LYPLAL1: variants seen among roughly 807,000 people sequenced by gnomAD.
LYPLAL1 encodes lysophospholipase like 1, also known as lysophospholipase-like protein 1.
LYPLAL1 carries 23 observed loss-of-function variants against 19.7 expected under a neutral mutation model. The observed-to-expected ratio is 1.17, with a 90% confidence interval of 0.84 to 1.65. The LOEUF (loss-of-function observed/expected upper bound fraction) is 1.65, where lower values mean the gene tolerates loss of function less well. Ranked by LOEUF, LYPLAL1 falls within the 40% of genes most tolerant of loss-of-function variation. LYPLAL1 has a pLI of 0.00. For missense variants in LYPLAL1, 355 were observed against 279.4 expected (o/e 1.27, Z -1.93); for synonymous variants, 119 against 96.3 (o/e 1.24, Z -1.38).
the LYPLAL1 span, among the ~76,000 whole-genome samples, chr1:219,306,948 C>A: frequency 6.7e-6 from 1 of 150,110 alleles, no homozygotes; most frequent in Non-Finnish European, 1.5e-5. Flanking sequence ...AGGCCAAACT[C>A]AATGAATACA....
the LYPLAL1 span, among the ~76,000 whole-genome samples, chr1:219,398,132 T>C: frequency 3.3e-5 from 5 of 152,220 alleles, no homozygotes; most frequent in African/African-American, 1.2e-4. Flanking sequence ...ATGGATGATA[T>C]CCTGAAATAT....
At chr1:219,299,498 C>T in the LYPLAL1 span, among the ~76,000 whole-genome samples, 1 of 151,908 alleles carries the variant, frequency 6.6e-6, no homozygotes, top group Non-Finnish European at 1.5e-5. Context: ...TGGTGTTTAC[C>T]GAGAGCCTAA....
the LYPLAL1 span, among the ~76,000 whole-genome samples, chr1:219,355,983 A>G: frequency 6.6e-6 from 1 of 152,276 alleles, no homozygotes; most frequent in Admixed American, 6.5e-5. Context: ...TTTCATCTCA[A>G]GCCTTCTTTA....
the LYPLAL1 span, among the ~76,000 whole-genome samples, chr1:219,280,734 A>G: frequency 6.6e-6 from 1 of 152,072 alleles, no homozygotes; most frequent in Non-Finnish European, 1.5e-5. Flanking sequence ...CCCTCTGCAA[A>G]AGGACTCTTA....
At chr1:219,177,912 C>T (rs1316262674) in intron 1 of LYPLAL1, among the ~76,000 whole-genome samples, 1 of 152,192 alleles carries the variant, frequency 6.6e-6, no homozygotes, top group African/African-American at 2.4e-5. Context: ...TTTATAGACA[C>T]TGCTCTTTTC....
chr1:219,220,923 G>A, the LYPLAL1 span, among the ~76,000 whole-genome samples: 8 of 152,160 alleles, frequency 5.3e-5, no homozygotes, highest in Admixed American at 5.2e-4. Context: ...CTGAAAAAGT[G>A]TTAATTGCAG....
chr1:219,272,781 A>G, the LYPLAL1 span: 1 of 152,166 alleles, frequency 6.6e-6, no homozygotes, highest in South Asian at 2.1e-4. Flanking sequence ...CTCTTAAAAA[A>G]AAAAGTAGGA....
the LYPLAL1 span, among the ~76,000 whole-genome samples, chr1:219,228,057 G>A: frequency 6.6e-6 from 1 of 152,170 alleles, no homozygotes; most frequent in African/African-American, 2.4e-5. Flanking sequence ...CTGGTAGAGA[G>A]ACGGCTTCAG....
At chr1:219,421,451 C>T in the LYPLAL1 span, among the ~76,000 whole-genome samples, 1 of 152,162 alleles carries the variant, frequency 6.6e-6, no homozygotes, top group Admixed American at 6.5e-5. Context: ...CCTGAGGAGG[C>T]TATTCAACTT....
chr1:219,261,621 T>G, the LYPLAL1 span, among the ~76,000 whole-genome samples: 1 of 152,214 alleles, frequency 6.6e-6, no homozygotes, highest in South Asian at 2.1e-4. Flanking sequence ...CCTTCGTTTA[T>G]GAAACTTAGT....
intron 3 of LYPLAL1, among the ~76,000 whole-genome samples, chr1:219,210,103 G>T (rs1426381633): frequency 6.6e-6 from 1 of 151,886 alleles, no homozygotes; most frequent in Non-Finnish European, 1.5e-5. Context: ...GCAAACACCA[G>T]ATACATAACT....
chr1:219,265,964 T>C, the LYPLAL1 span, among the ~76,000 whole-genome samples: 1 of 152,136 alleles, frequency 6.6e-6, no homozygotes, highest in African/African-American at 2.4e-5. Context: ...GGGAAGTTGC[T>C]CTGGGGTGGC....
At chr1:219,336,514 T>C in the LYPLAL1 span, among the ~76,000 whole-genome samples, 2 of 151,916 alleles carry the variant, frequency 1.3e-5, no homozygotes, top group African/African-American at 2.4e-5. Flanking sequence ...GTGATACCAA[T>C]ACCAACACTG....
At chr1:219,434,664 C>G in the LYPLAL1 span, among the ~76,000 whole-genome samples, 1 of 152,204 alleles carries the variant, frequency 6.6e-6, no homozygotes, top group Non-Finnish European at 1.5e-5. Flanking sequence ...ATTCTGAAGG[C>G]TGAATGATCA....
chr1:219,311,698 T>C, the LYPLAL1 span, among the ~76,000 whole-genome samples: 1 of 152,166 alleles, frequency 6.6e-6, no homozygotes, highest in Admixed American at 6.5e-5. Flanking sequence ...AAGAAATGCA[T>C]CATGATTATA....
downstream of LYPLAL1, among the ~76,000 whole-genome samples, chr1:219,213,272 A>G (rs533081803): frequency 1.3e-5 from 2 of 151,952 alleles, no homozygotes; most frequent in Admixed American, 1.3e-4. Context: ...CTTCTGTTCC[A>G]TTGATTTATG....
the LYPLAL1 span, among the ~76,000 whole-genome samples, chr1:219,326,313 G>C: frequency 4.7e-5 from 7 of 150,448 alleles, no homozygotes; most frequent in Admixed American, 2.0e-4. Flanking sequence ...GGGGGGTTGG[G>C]GGGTGGGGGG....
chr1:219,376,935 A>T, the LYPLAL1 span, among the ~76,000 whole-genome samples: 2 of 152,170 alleles, frequency 1.3e-5, no homozygotes, highest in African/African-American at 4.8e-5. Flanking sequence ...TTCCTCAAAA[A>T]ATTAAACAGA....
chr1:219,377,818 G>T, the LYPLAL1 span, among the ~76,000 whole-genome samples: 40 of 152,228 alleles, frequency 2.6e-4, no homozygotes, highest in African/African-American at 8.4e-4. Flanking sequence ...TTCATATGAA[G>T]TTCCAAACTC....
Sources: gnomAD v4.1 joint callset for allele counts (sites outside exome capture counted in the v4.1 genomes callset) on GRCh38, gnomAD v4.1.1 for gene constraint, MANE v1.5 for transcripts, NCBI Gene and HGNC (gene_info 2026-07-23, HGNC 2026-07-21) for gene names.